Variants in PLCB1 observed in about 807,000 individuals in gnomAD.
PLCB1 encodes the protein 1-phosphatidylinositol 4,5-bisphosphate phosphodiesterase beta-1.
A neutral mutation model predicts 161.8 loss-of-function variants in PLCB1; 46 were observed. The observed-to-expected ratio is 0.28, with a 90% CI of 0.22 to 0.36. The LOEUF is 0.36. PLCB1 is among the 10% of genes least tolerant of loss of function. The pLI, the probability that PLCB1 is intolerant of heterozygous loss-of-function variation, is 1.00. For synonymous variants in PLCB1, 517 were observed against 503.7 expected (o/e 1.03, Z -0.35); for missense variants, 1,016 against 1,472.5 (o/e 0.69, Z 5.07).
At chr20:8,699,253 A>G (rs554857622) in intron 11 of PLCB1, among the ~76,000 whole-genome samples, 3 of 152,332 alleles carry the variant, frequency 2.0e-5, no homozygotes, top group African/African-American at 7.2e-5. Flanking sequence ...AACCAAGGAA[A>G]CAGAGTCCAA....
intron 9 of PLCB1, among the ~76,000 whole-genome samples, chr20:8,671,550 C>T (rs182830877): frequency 6.6e-6 from 1 of 152,302 alleles, no homozygotes; most frequent in Admixed American, 6.5e-5. Flanking sequence ...ATCCTCACGC[C>T]TCTGCCAGAT....
intron 2 of PLCB1, among the ~76,000 whole-genome samples, chr20:8,234,795 G>C (rs1301779170): frequency 1.3e-5 from 2 of 152,034 alleles, no homozygotes; most frequent in Non-Finnish European, 2.9e-5. Context: ...AGACCTCTTG[G>C]CTGATTATCA....
At chr20:8,821,501 GTATATATATATATATATATATATA>G (rs552044656) in intron 31 of PLCB1, among the ~76,000 whole-genome samples, 13,518 of 42,396 alleles carry the variant, frequency 0.32, 4,473 homozygotes, top group Admixed American at 0.45. Context: ...AAAAAAATAT[GTATATATATATATATATATATATA>G]TATATATATA....
intron 3 of PLCB1, among the ~76,000 whole-genome samples, chr20:8,610,821 A>C (rs1222584614): frequency 6.6e-6 from 1 of 152,090 alleles, no homozygotes; most frequent in East Asian, 1.9e-4. Flanking sequence ...TTTTCTTCTA[A>C]GATCTTTAGA....
chr20:8,258,910 T>C (rs1172694394), intron 2 of PLCB1, among the ~76,000 whole-genome samples: 1 of 152,150 alleles, frequency 6.6e-6, no homozygotes, highest in African/African-American at 2.4e-5. Flanking sequence ...AAAGTCAAGA[T>C]ATACGACAGT....
chr20:8,436,773 T>C (rs931652728), intron 3 of PLCB1, among the ~76,000 whole-genome samples: 6 of 152,050 alleles, frequency 3.9e-5, no homozygotes, highest in African/African-American at 1.4e-4. Context: ...ACCGTAGCCA[T>C]GGAATTTTAT....
intron 2 of PLCB1, among the ~76,000 whole-genome samples, chr20:8,354,267 G>A (rs1268325642): frequency 6.6e-6 from 1 of 152,012 alleles, no homozygotes; most frequent in Non-Finnish European, 1.5e-5. Context: ...AGTAAAACAA[G>A]TATTTCAAGA....
chr20:8,193,102 G>A (rs2051986855), intron 2 of PLCB1, among the ~76,000 whole-genome samples: 1 of 152,016 alleles, frequency 6.6e-6, no homozygotes. Flanking sequence ...TCAGGATAAA[G>A]AGAACTATTA....
intron 3 of PLCB1, among the ~76,000 whole-genome samples, chr20:8,446,510 GC>G (rs1980836033): frequency 6.6e-6 from 1 of 152,206 alleles, no homozygotes; most frequent in Non-Finnish European, 1.5e-5. Flanking sequence ...AGACAGGGAT[GC>G]CCTCTCTCAC....
chr20:8,581,546 G>A (rs932468653), intron 3 of PLCB1, among the ~76,000 whole-genome samples: 1 of 152,130 alleles, frequency 6.6e-6, no homozygotes, highest in African/African-American at 2.4e-5. Flanking sequence ...ATGTTACAAG[G>A]TTTGACATAG....
chr20:8,453,362 A>C (rs1051539965), intron 3 of PLCB1, among the ~76,000 whole-genome samples: 1 of 152,202 alleles, frequency 6.6e-6, no homozygotes, highest in African/African-American at 2.4e-5. Context: ...ATAGACTTGG[A>C]TTTAAATCCT....
At chr20:8,686,060 TTAAA>T (rs1990351121) in intron 10 of PLCB1, among the ~76,000 whole-genome samples, 3 of 152,314 alleles carry the variant, frequency 2.0e-5, no homozygotes, top group South Asian at 2.1e-4. Flanking sequence ...TTAACACAAT[TTAAA>T]TAAGTATAAG....
chr20:8,571,647 T>C (rs1197454802), intron 3 of PLCB1, among the ~76,000 whole-genome samples: 2 of 152,124 alleles, frequency 1.3e-5, no homozygotes, highest in Non-Finnish European at 2.9e-5. Context: ...AGGCCTGATG[T>C]ATACTGTGTG....
chr20:8,277,014 T>TTATTAC, intron 2 of PLCB1, among the ~76,000 whole-genome samples: 1 of 130,978 alleles, frequency 7.6e-6, no homozygotes, highest in East Asian at 2.3e-4. Context: ...ATTATTATTA[T>TTATTAC]TGTTAGAGAT....
intron 3 of PLCB1, among the ~76,000 whole-genome samples, chr20:8,595,888 AT>A (rs1196397970): frequency 1.6e-5 from 2 of 124,072 alleles, no homozygotes; most frequent in African/African-American, 5.9e-5. Context: ...TTTTGGCTGC[AT>A]AAATGTCTTC....
At chr20:8,759,627 A>G (rs1399760418) in intron 24 of PLCB1, among the ~76,000 whole-genome samples, 1 of 152,034 alleles carries the variant, frequency 6.6e-6, no homozygotes, top group Non-Finnish European at 1.5e-5. Context: ...CAGCCTCCCA[A>G]GTAGCTGGGA....
At chr20:8,414,548 A>G (rs1406902417) in intron 3 of PLCB1, among the ~76,000 whole-genome samples, 1 of 152,202 alleles carries the variant, frequency 6.6e-6, no homozygotes, top group Admixed American at 6.5e-5. Flanking sequence ...GTTGGAAAGA[A>G]TTGGGGAATG....
chr20:8,762,868 G>A (rs6118314), intron 25 of PLCB1, among the ~76,000 whole-genome samples: 11,799 of 152,070 alleles, frequency 0.078, 549 homozygotes, highest in South Asian at 0.18. Context: ...TTCTATTCAG[G>A]TCTCTTGTTA....
chr20:8,248,741 A>G (rs1268505209), intron 2 of PLCB1: 3 of 152,034 alleles, frequency 2.0e-5, no homozygotes, highest in African/African-American at 7.2e-5. Flanking sequence ...ATCTGCTTCA[A>G]CCTTCCCCAG....
Sources: allele counts gnomAD v4.1 joint callset (sites outside exome capture counted in the v4.1 genomes callset), GRCh38; gene constraint gnomAD v4.1.1; transcripts MANE v1.5; gene names NCBI Gene and HGNC (gene_info 2026-07-23, HGNC 2026-07-21).